Variants in DIAPH2 observed in about 807,000 individuals in gnomAD.
The protein encoded by DIAPH2 is diaphanous related formin 2, also known as protein diaphanous homolog 2.
DIAPH2 carries 35 observed loss-of-function variants against 92.7 expected under a neutral mutation model. The observed-to-expected ratio is 0.38, with a 90% CI of 0.29 to 0.50. The LOEUF is 0.50. DIAPH2 is among the 20% of genes least tolerant of loss of function. The pLI, the probability that DIAPH2 is intolerant of heterozygous loss-of-function variation, is 0.94. For missense variants in DIAPH2, 701 were observed against 819.5 expected (o/e 0.86, Z 1.77); for synonymous variants, 301 against 280.4 (o/e 1.07, Z -0.73).
chrX:96,827,890 C>T (rs754322701), intron 4 of DIAPH2, among the ~76,000 whole-genome samples: 1 of 111,063 alleles, frequency 9.0e-6, no homozygotes, highest in South Asian at 3.8e-4. Context: ...GGCGCCATCT[C>T]GGCTTGCAGC....
chrX:96,943,583 C>T (rs1450746633), intron 13 of DIAPH2, among the ~76,000 whole-genome samples: 1 of 111,082 alleles, frequency 9.0e-6, no homozygotes, highest in African/African-American at 3.3e-5. Context: ...ATAGTTAGGA[C>T]ACATACACTA....
rs150030607 is a variant in DIAPH2, at chrX:96,715,017, G to A, written c.133-20741G>A. The stretch of plus-strand genomic sequence containing the variant: ...ATTAATTTGTGATAGCTATTGACCT[G>A]GCAAGGAAAACATTAGGTAACTTTT... On this transcript the variant is annotated intron_variant, in intron 1 of 26. Coordinates refer to ENST00000324765, the MANE Select transcript of DIAPH2 (RefSeq NM_006729.5). Among the ~76,000 whole-genome samples, 289 of 111,718 alleles carry A rather than the reference G, an allele frequency of 2.6e-3. 2 individuals carry two copies. The highest frequency in any genetic ancestry group is 8.9e-3 in the African/African-American group (273 of 30,756).
At chrX:96,891,090 A>G (rs1331885687) in intron 5 of DIAPH2, among the ~76,000 whole-genome samples, 1 of 111,545 alleles carries the variant, frequency 9.0e-6, no homozygotes, top group Non-Finnish European at 1.9e-5. Context: ...TTATTGACCC[A>G]CCATCAATAA....
At chrX:97,179,235 C>CTTTT (rs370073041) in intron 22 of DIAPH2, among the ~76,000 whole-genome samples, 1 of 88,115 alleles carries the variant, frequency 1.1e-5, no homozygotes. Context: ...CTGAGTGTGC[C>CTTTT]TTTTTTTTTT....
rs772385318 is a variant in DIAPH2, at chrX:97,301,884, A to G, written c.2845-46232A>G. 5.4e-5 allele frequency among the ~76,000 whole-genome samples: 6 copies of G among 111,245 alleles called. No homozygotes were observed. In the East Asian group the frequency reaches 1.7e-3, roughly 31 times the overall value. ...AAAGGACGATAGAACTGTATACCCC[A>G]GTCAATAAGTTAGACACTTATTAAA... On this transcript the variant is annotated intron_variant, in intron 23 of 26. Coordinates refer to ENST00000324765, the MANE Select transcript of DIAPH2 (RefSeq NM_006729.5).
intron 5 of DIAPH2, among the ~76,000 whole-genome samples, chrX:96,901,236 A>G (rs1044469523): frequency 2.7e-5 from 3 of 109,862 alleles, no homozygotes; most frequent in African/African-American, 9.9e-5. Context: ...TAGATTTTCT[A>G]GTTTTCGTGT....
At chrX:96,917,238 A>G (rs1220889265) in intron 8 of DIAPH2, among the ~76,000 whole-genome samples, 4 of 111,275 alleles carry the variant, frequency 3.6e-5, no homozygotes, top group African/African-American at 9.8e-5. Flanking sequence ...AAGGACCCGA[A>G]CCAAAATATT....
At chrX:97,540,582 G>T (rs2071132239) in intron 26 of DIAPH2, among the ~76,000 whole-genome samples, 1 of 112,176 alleles carries the variant, frequency 8.9e-6, no homozygotes, top group Non-Finnish European at 1.9e-5. Context: ...ATATTTCATT[G>T]TTTTGCATGT....
At chrX:97,184,353 T>C (rs1192958957) in intron 22 of DIAPH2, among the ~76,000 whole-genome samples, 2 of 112,373 alleles carry the variant, frequency 1.8e-5, no homozygotes, top group African/African-American at 3.2e-5. Context: ...TACTGTGTCA[T>C]GTCATTTATA....
At chrX:97,466,004 T>C (rs2070509363) in intron 26 of DIAPH2, among the ~76,000 whole-genome samples, 1 of 112,034 alleles carries the variant, frequency 8.9e-6, no homozygotes, top group Non-Finnish European at 1.9e-5. Flanking sequence ...AGAATTTATT[T>C]ATCCAAATGA....
At chrX:97,567,438 G>C (rs1194758971) in intron 26 of DIAPH2, among the ~76,000 whole-genome samples, 1 of 111,979 alleles carries the variant, frequency 8.9e-6, no homozygotes, top group African/African-American at 3.2e-5. Context: ...GGTACATTGA[G>C]ATGTGTTTAT....
intron 23 of DIAPH2, among the ~76,000 whole-genome samples, chrX:97,312,050 G>A (rs1039161599): frequency 4.5e-5 from 5 of 110,092 alleles, no homozygotes; most frequent in African/African-American, 1.7e-4. Context: ...GGATGGTCTC[G>A]ATCTCCTAAC....
chrX:96,939,584 ATGTGTGTGTGTG>A (rs200977682), intron 12 of DIAPH2, among the ~76,000 whole-genome samples: 2 of 64,299 alleles, frequency 3.1e-5, no homozygotes, highest in East Asian at 9.7e-4. Flanking sequence ...GTGTGTGTAT[ATGTGTGTGTGTG>A]TATATACACA....
At chrX:97,458,193 G>GT (rs1164421820) in intron 26 of DIAPH2, among the ~76,000 whole-genome samples, 12 of 111,096 alleles carry the variant, frequency 1.1e-4, no homozygotes, top group Non-Finnish European at 1.9e-4. Context: ...GGGATAATTG[G>GT]GGGGATTCAT....
chrX:97,539,200 A>G (rs1333478838), intron 26 of DIAPH2, among the ~76,000 whole-genome samples: 1 of 111,053 alleles, frequency 9.0e-6, no homozygotes, highest in Non-Finnish European at 1.9e-5. Flanking sequence ...ATTCCAGTCC[A>G]TCCCACTCTC....
chrX:97,090,334 T>TTTTTTTTTTTTTG (rs1242933185), intron 19 of DIAPH2, among the ~76,000 whole-genome samples: 1 of 65,237 alleles, frequency 1.5e-5, no homozygotes, highest in African/African-American at 6.8e-5. Flanking sequence ...TTTTTTTTTT[T>TTTTTTTTTTTTTG]GAGAAAGAGC....
At chrX:96,751,525 T>G (rs914760714) in intron 3 of DIAPH2, among the ~76,000 whole-genome samples, 3 of 99,608 alleles carry the variant, frequency 3.0e-5, no homozygotes, top group African/African-American at 7.4e-5. Context: ...GCAGTGAGCC[T>G]AGATCTCGAC....
chrX:97,128,695 C>T (rs781729722), intron 21 of DIAPH2, among the ~76,000 whole-genome samples: 36 of 112,259 alleles, frequency 3.2e-4, no homozygotes, highest in Non-Finnish European at 6.2e-4. Context: ...ACTCCTAGCT[C>T]GAGACAACTG....
intron 20 of DIAPH2, among the ~76,000 whole-genome samples, chrX:97,114,157 G>A (rs1458487798): frequency 8.9e-6 from 1 of 111,869 alleles, no homozygotes; most frequent in Non-Finnish European, 1.9e-5. Flanking sequence ...CATCTGTCAA[G>A]TAGGTGAAAT....
Sources: gnomAD v4.1 joint callset for allele counts (sites outside exome capture counted in the v4.1 genomes callset) on GRCh38, gnomAD v4.1.1 for gene constraint, MANE v1.5 for transcripts, NCBI Gene and HGNC (gene_info 2026-07-23, HGNC 2026-07-21) for gene names.